The following CDH13 variants were observed in gnomAD, a reference collection of about 807,000 sequenced individuals.
CDH13 encodes cadherin 13, also known as cadherin-13.
CDH13 carries 24 observed loss-of-function variants against 63.8 expected under a neutral mutation model. That is an observed-to-expected ratio of 0.38 (90% CI 0.27 to 0.53). CDH13 has a LOEUF of 0.53. CDH13 is among the 20% of genes least tolerant of loss of function. The pLI, the probability that CDH13 is intolerant of heterozygous loss-of-function variation, is 0.85. For synonymous variants in CDH13, 503 were observed against 355.3 expected (o/e 1.42, Z -4.67); for missense variants, 1,049 against 903.1 (o/e 1.16, Z -2.07).
At chr16:82,998,720 A>T (rs1248267912) in intron 2 of CDH13, among the ~76,000 whole-genome samples, 1 of 152,192 alleles carries the variant, frequency 6.6e-6, no homozygotes, top group Non-Finnish European at 1.5e-5. Context: ...TGGATTTAGT[A>T]TGTTCCATAT....
intron 7 of CDH13, among the ~76,000 whole-genome samples, chr16:83,544,853 T>C (rs1382078029): frequency 6.6e-6 from 1 of 152,168 alleles, no homozygotes; most frequent in African/African-American, 2.4e-5. Flanking sequence ...AGATACAAAA[T>C]ACATCTAACA....
At chr16:82,647,061 G>A (rs1461148361) in intron 1 of CDH13, among the ~76,000 whole-genome samples, 11 of 152,272 alleles carry the variant, frequency 7.2e-5, no homozygotes, top group African/African-American at 2.2e-4. Context: ...AAGAGCCCAG[G>A]CCTCGAGGGA....
At chr16:83,711,673 C>T (rs1264646943) in intron 10 of CDH13, among the ~76,000 whole-genome samples, 1 of 152,046 alleles carries the variant, frequency 6.6e-6, no homozygotes, top group Non-Finnish European at 1.5e-5. Flanking sequence ...ATACCACTAC[C>T]ACCTGGCTAA....
chr16:83,251,010 C>T (rs1447983198), intron 5 of CDH13, among the ~76,000 whole-genome samples: 3 of 137,444 alleles, frequency 2.2e-5, no homozygotes, highest in Non-Finnish European at 4.8e-5. Flanking sequence ...AGGTTTTTCT[C>T]CTGCTCCTCA....
chr16:83,717,571 A>G (rs1232128545), intron 10 of CDH13, among the ~76,000 whole-genome samples: 1 of 152,254 alleles, frequency 6.6e-6, no homozygotes. Flanking sequence ...CTATGAGCCA[A>G]GGGCTGACTC....
intron 2 of CDH13, among the ~76,000 whole-genome samples, chr16:82,946,187 G>C (rs1217566658): frequency 6.6e-6 from 1 of 150,960 alleles, no homozygotes; most frequent in Non-Finnish European, 1.5e-5. Context: ...TTAATGACTA[G>C]ATGGATGGAT....
intron 4 of CDH13, among the ~76,000 whole-genome samples, chr16:83,134,492 T>G (rs986126827): frequency 9.5e-5 from 14 of 146,814 alleles, no homozygotes; most frequent in African/African-American, 3.3e-4. Flanking sequence ...GCCCAGCCAG[T>G]AGATCTTGAT....
intron 10 of CDH13, among the ~76,000 whole-genome samples, chr16:83,743,234 G>C (rs1390753523): frequency 6.6e-6 from 1 of 151,866 alleles, no homozygotes; most frequent in Non-Finnish European, 1.5e-5. Flanking sequence ...TAAGCAAACA[G>C]AGGGGAGCAG....
intron 1 of CDH13, among the ~76,000 whole-genome samples, chr16:82,698,029 A>G (rs2030545728): frequency 6.6e-6 from 1 of 152,148 alleles, no homozygotes; most frequent in East Asian, 1.9e-4. Flanking sequence ...CATAGGGGCT[A>G]TAAAGAAGTA....
Position 83,114,679 on chromosome 16 carries a change from G to A in CDH13, c.367-10706G>A, listed in dbSNP as rs544551654. Among the ~76,000 whole-genome samples, 3 of 152,290 alleles carry A rather than the reference G, an allele frequency of 2.0e-5. No individual in the cohort carries two copies. In the South Asian group the frequency reaches 6.2e-4, roughly 32 times the overall value. ...AAATAGATACATGGAAATTTAGGGA[G>A]CTTGTATCTTGCCTCTCCAACCTTT... On this transcript the variant is annotated intron_variant, in intron 3 of 13. Coordinates refer to ENST00000567109, the MANE Select transcript of CDH13 (RefSeq NM_001257.5).
At chr16:83,588,783 A>G (rs1302879119) in intron 7 of CDH13, among the ~76,000 whole-genome samples, 1 of 152,240 alleles carries the variant, frequency 6.6e-6, no homozygotes, top group East Asian at 1.9e-4. Flanking sequence ...AATATTTTCC[A>G]GAGAAATGAC....
chr16:82,747,584 G>A (rs1362685687), intron 1 of CDH13, among the ~76,000 whole-genome samples: 5 of 149,146 alleles, frequency 3.4e-5, no homozygotes, highest in Admixed American at 2.0e-4. Flanking sequence ...AAACTTTGGA[G>A]AATGGCACTA....
chr16:83,198,566 G>C (rs972191138), intron 4 of CDH13, among the ~76,000 whole-genome samples: 27 of 152,100 alleles, frequency 1.8e-4, no homozygotes, highest in African/African-American at 6.0e-4. Flanking sequence ...AGTTCAAAAG[G>C]GTAAAGACTT....
intron 6 of CDH13, among the ~76,000 whole-genome samples, chr16:83,447,928 C>T (rs978377001): frequency 1.3e-5 from 2 of 152,130 alleles, no homozygotes; most frequent in Middle Eastern, 3.4e-3. Flanking sequence ...GTTGCCCCAC[C>T]TCTCTGGTCC....
chr16:83,324,332 G>A (rs2151897513), intron 5 of CDH13, among the ~76,000 whole-genome samples: 1 of 152,264 alleles, frequency 6.6e-6, no homozygotes, highest in South Asian at 2.1e-4. Context: ...ACTGCTCCCG[G>A]CCTCTGCAGT....
At chr16:82,790,750 G>A (rs879904240) in intron 1 of CDH13, among the ~76,000 whole-genome samples, 19 of 152,300 alleles carry the variant, frequency 1.2e-4, no homozygotes, top group Middle Eastern at 3.4e-3. Flanking sequence ...CAGGCAGCAG[G>A]AAGGAGAGTG....
At chr16:83,000,245 T>C (rs1385711648) in intron 2 of CDH13, among the ~76,000 whole-genome samples, 2 of 123,908 alleles carry the variant, frequency 1.6e-5, no homozygotes, top group Admixed American at 1.7e-4. Context: ...TTTTTTTTTT[T>C]TTTTTTTTTT....
intron 7 of CDH13, among the ~76,000 whole-genome samples, chr16:83,497,719 T>C (rs1567713260): frequency 1.3e-5 from 2 of 152,054 alleles, no homozygotes; most frequent in African/African-American, 2.4e-5. Context: ...CATCAAAACA[T>C]AGACAGCAGG....
chr16:82,956,156 G>T (rs1901394817), intron 2 of CDH13, among the ~76,000 whole-genome samples: 2 of 151,610 alleles, frequency 1.3e-5, no homozygotes, highest in African/African-American at 2.4e-5. Flanking sequence ...TCACCGTGCT[G>T]TTGCCAAAAC....
Sources: allele counts gnomAD v4.1 joint callset (sites outside exome capture counted in the v4.1 genomes callset), GRCh38; gene constraint gnomAD v4.1.1; transcripts MANE v1.5; gene names NCBI Gene and HGNC (gene_info 2026-07-23, HGNC 2026-07-21).